Variants in SLC36A1 observed in about 807,000 individuals in gnomAD.
SLC36A1 encodes solute carrier family 36 member 1.
SLC36A1 carries 30 observed loss-of-function variants against 47.5 expected under a neutral mutation model. The ratio of observed to expected loss-of-function variants is 0.63; its 90% CI spans 0.47 to 0.86. The LOEUF (loss-of-function observed/expected upper bound fraction) is 0.86. Among genes scored for constraint, SLC36A1 ranks in the 40% least tolerant of loss-of-function variants. The probability of loss-of-function intolerance (pLI) is 0.00; values close to 1 mark genes in which losing one functional copy is unlikely to be tolerated. For missense variants in SLC36A1, 517 were observed against 606.0 expected (o/e 0.85, Z 1.54); for synonymous variants, 255 against 249.7 (o/e 1.02, Z -0.20).
the SLC36A1 span, among the ~76,000 whole-genome samples, chr5:151,422,947 C>T: frequency 6.6e-6 from 1 of 152,004 alleles, no homozygotes; most frequent in African/African-American, 2.4e-5. Context: ...GTGCCCCACT[C>T]CACTCCCCAC....
chr5:151,493,058 C>T (rs529241930), downstream of SLC36A1, among the ~76,000 whole-genome samples: 1 of 152,088 alleles, frequency 6.6e-6, no homozygotes, highest in South Asian at 2.1e-4. Context: ...CTTTGTTTCT[C>T]TGAAGAAACC....
chr5:151,554,545 C>G, the SLC36A1 span: 1 of 1,614,196 alleles, frequency 6.2e-7, no homozygotes, highest in Non-Finnish European at 8.5e-7. Context: ...CAGGGCTCAG[C>G]CTCTCTGGAA....
the SLC36A1 span, among the ~76,000 whole-genome samples, chr5:151,533,396 A>G: frequency 2.8e-5 from 2 of 70,204 alleles, no homozygotes; most frequent in African/African-American, 1.8e-4. Context: ...TATCTCCAAC[A>G]CACACACACA....
the SLC36A1 span, among the ~76,000 whole-genome samples, chr5:151,509,144 A>G: frequency 6.6e-6 from 1 of 152,158 alleles, no homozygotes; most frequent in Non-Finnish European, 1.5e-5. Context: ...AAGTGGAACC[A>G]TTTTCCCCAG....
the SLC36A1 span, chr5:151,527,982 C>T: frequency 1.2e-6 from 2 of 1,613,202 alleles, no homozygotes; most frequent in Non-Finnish European, 1.7e-6. Flanking sequence ...GTGCGCCCCT[C>T]CCACATGACT....
At position 151,447,768 on chromosome 5, in the gene SLC36A1, G is replaced by C. The variant is rs1350331363; in HGVS notation, c.-51G>C. 6.6e-6 allele frequency: 1 copy of C among 152,308 alleles called. No homozygotes were observed. Among genetic ancestry groups the C allele is most frequent in the Non-Finnish European group, 1.5e-5 (1 of 68,158 alleles). 9.4% of individuals were successfully genotyped at this position (152,308 alleles called of 1,614,324 possible). On this transcript the variant is annotated 5_prime_UTR_variant, in exon 1 of 11. Coordinates refer to ENST00000243389, the MANE Select transcript of SLC36A1 (RefSeq NM_078483.4). ...GCCGGCTGGCGGCGCTCGCCGCCTT[G>C]GGCAGGACCCACCTCGCCTTCCTCC...
At chr5:151,426,604 C>T in the SLC36A1 span, among the ~76,000 whole-genome samples, 6 of 152,190 alleles carry the variant, frequency 3.9e-5, no homozygotes, top group Admixed American at 1.3e-4. Flanking sequence ...AACATATGAT[C>T]GGGTGTTAAA....
At chr5:151,545,582 C>T in the SLC36A1 span, 3,103 of 1,613,934 alleles carry the variant, frequency 1.9e-3, 42 homozygotes, top group African/African-American at 0.035. Flanking sequence ...GCAAATAATA[C>T]AGGGCTTCCT....
chr5:151,514,341 C>T, the SLC36A1 span, among the ~76,000 whole-genome samples: 1 of 152,216 alleles, frequency 6.6e-6, no homozygotes, highest in Non-Finnish European at 1.5e-5. Context: ...TGTCTCCCAC[C>T]TCTGTAATGT....
chr5:151,542,419 G>A, the SLC36A1 span: 2 of 1,614,178 alleles, frequency 1.2e-6, no homozygotes, highest in South Asian at 1.1e-5. Context: ...AAATCGGGGA[G>A]CATTGTCATT....
upstream of SLC36A1, among the ~76,000 whole-genome samples, chr5:151,434,121 C>A (rs1295740241): frequency 6.6e-6 from 1 of 152,140 alleles, no homozygotes; most frequent in East Asian, 1.9e-4. Context: ...AGGGACTCAC[C>A]TTCATTTCAG....
chr5:151,524,937 C>T, the SLC36A1 span, among the ~76,000 whole-genome samples: 1 of 152,192 alleles, frequency 6.6e-6, no homozygotes, highest in Non-Finnish European at 1.5e-5. Flanking sequence ...ACTTTACTTC[C>T]TTATCATCAT....
chr5:151,482,404 C>T (rs536998853), intron 10 of SLC36A1, among the ~76,000 whole-genome samples: 25 of 152,080 alleles, frequency 1.6e-4, no homozygotes, highest in South Asian at 1.5e-3. Context: ...AGGTGCTTTG[C>T]GCTTGATTTT....
chr5:151,521,394 C>T, the SLC36A1 span: 12 of 1,614,096 alleles, frequency 7.4e-6, no homozygotes, highest in South Asian at 1.3e-4. Flanking sequence ...AGATTTGACC[C>T]TGGCAGGTTG....
the SLC36A1 span, among the ~76,000 whole-genome samples, chr5:151,423,971 AAAAC>A: frequency 0.3 from 45,360 of 151,808 alleles, 7,812 homozygotes; most frequent in African/African-American, 0.48. Flanking sequence ...GATCTATTAA[AAAAC>A]AAACAAACAA....
chr5:151,406,568 A>G, the SLC36A1 span: 1 of 152,104 alleles, frequency 6.6e-6, no homozygotes, highest in Non-Finnish European at 1.5e-5. Context: ...TTCTTGAAAG[A>G]GAAACACAGG....
chr5:151,388,855 T>C, the SLC36A1 span, among the ~76,000 whole-genome samples: 10 of 152,280 alleles, frequency 6.6e-5, no homozygotes, highest in African/African-American at 2.2e-4. Context: ...GCCTCATCTA[T>C]AAAATGCAGA....
chr5:151,440,014 T>A (rs1246670784), intron 1 of SLC36A1, among the ~76,000 whole-genome samples: 1 of 152,236 alleles, frequency 6.6e-6, no homozygotes, highest in African/African-American at 2.4e-5. Context: ...AATATTGAAA[T>A]CATAATGCTG....
chr5:151,456,453 C>T (rs150770213), intron 1 of SLC36A1, among the ~76,000 whole-genome samples: 50 of 152,302 alleles, frequency 3.3e-4, no homozygotes, highest in Middle Eastern at 3.4e-3. Context: ...CAGAGGTAGG[C>T]TTGGCGCCTG....
Sources: gnomAD v4.1 joint callset for allele counts (sites outside exome capture counted in the v4.1 genomes callset) on GRCh38, gnomAD v4.1.1 for gene constraint, MANE v1.5 for transcripts, NCBI Gene and HGNC (gene_info 2026-07-23, HGNC 2026-07-21) for gene names.